RANBP2: variants seen among roughly 807,000 people sequenced by gnomAD.
RANBP2 encodes RAN binding protein 2, also known as E3 SUMO-protein ligase RanBP2.
A neutral mutation model predicts 303.6 loss-of-function variants in RANBP2; 57 were observed. That is an observed-to-expected ratio of 0.19 (90% confidence interval 0.15 to 0.23). RANBP2 has a LOEUF of 0.23. RANBP2 is among the 10% of genes least tolerant of loss of function. RANBP2 has a pLI of 1.00. For missense variants in RANBP2, 3,138 were observed against 3,780.8 expected (o/e 0.83, Z 4.46); for synonymous variants, 1,167 against 1,301.5 (o/e 0.90, Z 2.23).
At chr2:109,105,341 C>T in the RANBP2 span, among the ~76,000 whole-genome samples, 54 of 152,306 alleles carry the variant, frequency 3.5e-4, no homozygotes, top group Admixed American at 6.5e-4. Flanking sequence ...ATTGCACATA[C>T]GGCCCTTCCC....
chr2:109,100,754 A>G, the RANBP2 span, among the ~76,000 whole-genome samples: 1 of 152,194 alleles, frequency 6.6e-6, no homozygotes, highest in South Asian at 2.1e-4. Flanking sequence ...AAATAATGTA[A>G]GAAAAAGGGA....
the RANBP2 span, among the ~76,000 whole-genome samples, chr2:108,792,822 T>G: frequency 6.6e-6 from 1 of 152,124 alleles, no homozygotes; most frequent in Non-Finnish European, 1.5e-5. Context: ...CCCAGCACTT[T>G]GGGAGGCCGA....
At chr2:109,030,944 T>C in the RANBP2 span, among the ~76,000 whole-genome samples, 1 of 152,156 alleles carries the variant, frequency 6.6e-6, no homozygotes, top group East Asian at 1.9e-4. Context: ...TAATAATTGG[T>C]ATATATACTC....
At chr2:109,034,931 G>GATATTTAA in the RANBP2 span, among the ~76,000 whole-genome samples, 1 of 152,186 alleles carries the variant, frequency 6.6e-6, no homozygotes, top group Admixed American at 6.5e-5. Flanking sequence ...ACAGAGAAGT[G>GATATTTAA]AGGGGGCACA....
chr2:108,965,306 T>C, the RANBP2 span, among the ~76,000 whole-genome samples: 1 of 151,946 alleles, frequency 6.6e-6, no homozygotes, highest in Admixed American at 6.6e-5. Flanking sequence ...TGAAACCCCA[T>C]CTCTACTAAA....
chr2:109,726,339 G>A, the RANBP2 span, among the ~76,000 whole-genome samples: 12 of 152,096 alleles, frequency 7.9e-5, no homozygotes, highest in African/African-American at 2.9e-4. Context: ...GAACTCTGGA[G>A]GCGGAGGTTG....
the RANBP2 span, among the ~76,000 whole-genome samples, chr2:109,531,363 T>G: frequency 6.6e-6 from 1 of 152,158 alleles, no homozygotes; most frequent in Non-Finnish European, 1.5e-5. Flanking sequence ...CTGTAAAGTC[T>G]CACCCTTGGC....
At chr2:108,948,774 G>C in the RANBP2 span, among the ~76,000 whole-genome samples, 1 of 152,180 alleles carries the variant, frequency 6.6e-6, no homozygotes. Context: ...GGGGATTACA[G>C]TTTGAGATGA....
At chr2:108,877,674 C>G in the RANBP2 span, among the ~76,000 whole-genome samples, 1 of 152,102 alleles carries the variant, frequency 6.6e-6, no homozygotes, top group Non-Finnish European at 1.5e-5. Context: ...CATTTGGTGT[C>G]TCTGAAGAAA....
At chr2:108,790,984 ACTC>A in the RANBP2 span, among the ~76,000 whole-genome samples, 1 of 150,726 alleles carries the variant, frequency 6.6e-6, no homozygotes, top group South Asian at 2.1e-4. Flanking sequence ...CTGATCTTGA[ACTC>A]CTGGGCTCAA....
chr2:109,122,998 T>G, the RANBP2 span, among the ~76,000 whole-genome samples: 1 of 152,210 alleles, frequency 6.6e-6, no homozygotes, highest in Non-Finnish European at 1.5e-5. Context: ...ACTTGCACAG[T>G]GACGGTGAAC....
the RANBP2 span, among the ~76,000 whole-genome samples, chr2:109,512,782 G>C: frequency 1.3e-5 from 2 of 152,002 alleles, no homozygotes; most frequent in African/African-American, 4.8e-5. Flanking sequence ...CACCCTGGGT[G>C]CCCCAAGACC....
chr2:108,788,096 C>G (rs758886949), downstream of RANBP2: 1 of 1,601,572 alleles, frequency 6.2e-7, no homozygotes, highest in African/African-American at 1.4e-5. Context: ...CCAGGTAAGC[C>G]GGTATTTTGT....
the RANBP2 span, among the ~76,000 whole-genome samples, chr2:109,081,291 C>T: frequency 6.6e-6 from 1 of 152,086 alleles, no homozygotes; most frequent in African/African-American, 2.4e-5. Flanking sequence ...TTCTATTGAT[C>T]GAATTGAGTC....
the RANBP2 span, among the ~76,000 whole-genome samples, chr2:108,978,401 T>C: frequency 2.0e-5 from 3 of 152,068 alleles, no homozygotes; most frequent in Non-Finnish European, 2.9e-5. Context: ...AACAAAAATA[T>C]CAAACTTGGT....
At chr2:109,232,085 C>T in the RANBP2 span, among the ~76,000 whole-genome samples, 1 of 152,146 alleles carries the variant, frequency 6.6e-6, no homozygotes, top group Admixed American at 6.5e-5. Context: ...TGAACAATGC[C>T]GCTACAAGTA....
chr2:109,659,735 CG>C, the RANBP2 span, among the ~76,000 whole-genome samples: 23 of 152,212 alleles, frequency 1.5e-4, no homozygotes, highest in Non-Finnish European at 2.5e-4. Context: ...GAGGGGGCCG[CG>C]GGGCCGGGAG....
chr2:108,793,131 G>A, the RANBP2 span, among the ~76,000 whole-genome samples: 2 of 150,908 alleles, frequency 1.3e-5, no homozygotes, highest in East Asian at 3.9e-4. Flanking sequence ...GCAGAGGTGG[G>A]CGGATCACGA....
chr2:109,447,969 G>C, the RANBP2 span, among the ~76,000 whole-genome samples: 1 of 152,196 alleles, frequency 6.6e-6, no homozygotes, highest in African/African-American at 2.4e-5. Flanking sequence ...GATGGCAGCA[G>C]GGTGGTGGGC....
Sources: gnomAD v4.1 joint callset for allele counts (sites outside exome capture counted in the v4.1 genomes callset) on GRCh38, gnomAD v4.1.1 for gene constraint, MANE v1.5 for transcripts, NCBI Gene and HGNC (gene_info 2026-07-23, HGNC 2026-07-21) for gene names.